The following GPR161 variants were observed in gnomAD, a reference collection of about 807,000 sequenced individuals.
GPR161 encodes G-protein coupled receptor RE2.
Under a neutral mutation model 39.2 loss-of-function variants are expected in GPR161, and 25 were observed. The ratio of observed to expected loss-of-function variants is 0.64; its 90% CI spans 0.47 to 0.89. The LOEUF (loss-of-function observed/expected upper bound fraction) is 0.89, where lower values mean the gene tolerates loss of function less well. Ranked by LOEUF, GPR161 falls within the 40% of genes least tolerant of loss-of-function variation. The pLI is 0.00. For synonymous variants in GPR161, 286 were observed against 276.6 expected, an observed-to-expected ratio of 1.03 and a Z score of -0.34; for missense variants, 547 against 677.8, an observed-to-expected ratio of 0.81 and a Z score of 2.14.
chr1:168,136,172 G>A, intron 1 of GPR161: 11 of 1,268,204 alleles, frequency 8.7e-6, no homozygotes, highest in Non-Finnish European at 1.1e-5. Flanking sequence ...CGGCGGCGCC[G>A]GGCCACTTCT....
intron 2 of GPR161, among the ~76,000 whole-genome samples, chr1:168,100,210 CAAAAAAAAAAAA>C (rs35900694): frequency 0.016 from 865 of 54,870 alleles, 26 homozygotes; most frequent in African/African-American, 0.051. Context: ...GACCCTGTCT[CAAAAAAAAAAAA>C]AAAAAAAAAA....
At chr1:168,112,920 T>C (rs1340935855) in intron 1 of GPR161, among the ~76,000 whole-genome samples, 2 of 152,150 alleles carry the variant, frequency 1.3e-5, no homozygotes, top group South Asian at 2.1e-4. Flanking sequence ...TTTAAGGCCT[T>C]CTGGTCCAAT....
Position 168,136,160 on chromosome 1 carries a change from T to C in GPR161, c.-45+579A>G, listed in dbSNP as rs1035649296. ...CAGATCTGAGGGGCAGAGCCGCCCA[T>C]CCGGCGGCGCCGGGCCACTTCTGGG... On this transcript the variant is annotated intron_variant, in intron 1 of 5. Coordinates refer to ENST00000682931, the MANE Select transcript of GPR161 (RefSeq NM_001375883.1). 3.3e-5 allele frequency: 42 copies of C among 1,268,824 alleles called. No homozygotes were observed. In the African/African-American group the frequency reaches 5.4e-4, roughly 16 times the overall value. 78.6% of individuals were successfully genotyped at this position (1,268,824 alleles called of 1,614,324 possible).
chr1:168,082,117 G>A lies in GPR161; in HGVS notation c.*3414C>T, dbSNP rs117497527. On this transcript the variant is annotated 3_prime_UTR_variant, in exon 6 of 6. Coordinates refer to ENST00000682931, the MANE Select transcript of GPR161 (RefSeq NM_001375883.1). ...TCTATTGCAAATATTTAGTCTCATT[G>A]GTTGTTCACTTGTTTACAGAAAGAC... 8.5e-5 allele frequency: 13 copies of A among 152,262 alleles called. No individual in the cohort carries two copies. In the East Asian group the frequency reaches 2.5e-3, roughly 29 times the overall value. The allele number at this position is 152,262 out of a possible 1,614,324, so 9.4% of individuals were successfully genotyped here.
At chr1:168,136,027 C>T (rs1269023306) in intron 1 of GPR161, 7 of 1,233,978 alleles carry the variant, frequency 5.7e-6, no homozygotes, top group Non-Finnish European at 6.1e-6. Flanking sequence ...ACGTTCTCAT[C>T]CCATATGCCT....
At chr1:168,087,523 T>A in intron 5 of GPR161, 62 bp downstream of exon 5, 1 of 1,594,136 alleles carries the variant, frequency 6.3e-7, no homozygotes, top group Non-Finnish European at 8.6e-7. Context: ...AGCCAAGGAA[T>A]TGTCCTAAGA....
chr1:168,119,834 A>G (rs1698013021), intron 1 of GPR161, among the ~76,000 whole-genome samples: 1 of 151,914 alleles, frequency 6.6e-6, no homozygotes, highest in South Asian at 2.1e-4. Context: ...GGCAGCTTCC[A>G]CGTAGTGTTG....
At chr1:168,089,350 A>T (rs1383374759) in intron 4 of GPR161, 12 of 151,856 alleles carry the variant, frequency 7.9e-5, no homozygotes, top group Admixed American at 7.2e-4. Flanking sequence ...TTCATATATG[A>T]CTCCGTGTGG....
At chr1:168,135,144 G>GGAGCTACA in intron 1 of GPR161, 1 of 1,330,324 alleles carries the variant, frequency 7.5e-7, no homozygotes, top group South Asian at 1.6e-5. Context: ...TTATGGCAGT[G>GGAGCTACA]GAGCTACAGG....
At chr1:168,110,223 G>A (rs2102192733) in intron 1 of GPR161, among the ~76,000 whole-genome samples, 1 of 152,164 alleles carries the variant, frequency 6.6e-6, no homozygotes, top group South Asian at 2.1e-4. Flanking sequence ...AAATATGGTG[G>A]CCAGGCACAG....
chr1:168,097,216 AC>A lies in GPR161; in HGVS notation c.390del (p.Tyr131ThrfsTer7), dbSNP rs773718589. On this transcript the variant is annotated frameshift_variant, in exon 3 of 6. Coordinates refer to ENST00000682931, the MANE Select transcript of GPR161 (RefSeq NM_001375883.1). LOFTEE classifies it high-confidence loss of function. ...VIAIDRYYAV[L>X]YPMVYPMKIT... ...ATCTTCATGGGGTACACCATGGGGT[AC>A]AGGACAGCATAGTAGCTAGAAAAGG... is the stretch of plus-strand genomic sequence containing the variant. 1 of 1,613,296 alleles carries A rather than the reference AC, an allele frequency of 6.2e-7. No homozygotes were observed. Among genetic ancestry groups the A allele is most frequent in the South Asian group, 1.1e-5 (1 of 90,998 alleles).
In GPR161 at chr1:168,087,680, T is replaced by A; in HGVS notation, c.1229A>T (p.Asp410Val). 1 of 1,613,576 alleles carries A rather than the reference T, an allele frequency of 6.2e-7. No homozygotes were observed. Among genetic ancestry groups the A allele is most frequent in the Non-Finnish European group, 8.5e-7 (1 of 1,179,738 alleles). ...GGGAGGGTTGTCATCAGACGTGTAG[T>A]CCTCAAGCAGCATCATATCTGTCCC... ...DSGTDMMLLEDYTSDDNPPSH... is the reference protein window; with the variant it reads ...DSGTDMMLLEVYTSDDNPPSH... The change falls in exon 5 of 6, where the codon GAC becomes GTC. Residue 410 changes from aspartate to valine, a missense_variant. Coordinates refer to ENST00000682931, the MANE Select transcript of GPR161 (RefSeq NM_001375883.1).
At chr1:168,137,609 G>C, upstream of GPR161, 1 of 599,686 alleles carries the variant, frequency 1.7e-6, no homozygotes, top group Non-Finnish European at 3.0e-6. Context: ...TCAGCTCGGG[G>C]GACGGAACAG....
chr1:168,130,579 G>A (rs530699205), intron 1 of GPR161, among the ~76,000 whole-genome samples: 10 of 152,214 alleles, frequency 6.6e-5, no homozygotes, highest in Middle Eastern at 3.4e-3. Context: ...TGCTTAAGTG[G>A]ATTTGAATGG....
Position 168,085,432 on chromosome 1 carries a change from T to C in GPR161, c.*99A>G. 1 of 1,133,390 alleles carries C rather than the reference T, an allele frequency of 8.8e-7. No individual in the cohort carries two copies. Among genetic ancestry groups the C allele is most frequent in the East Asian group, 2.4e-5 (1 of 42,404 alleles). 70.2% of individuals were successfully genotyped at this position (1,133,390 alleles called of 1,614,324 possible). A position where few individuals can be genotyped will look rare whatever the true frequency, so the allele number is the denominator to read the frequency against. On this transcript the variant is annotated 3_prime_UTR_variant, in exon 6 of 6. Transcript: ENST00000682931. ...CTCCTTCCCTGTGTGTGGCCAGCTG[T>C]ACACAGTGACATGCTCCCAAGGCCG... is the stretch of plus-strand genomic sequence containing the variant.
At chr1:168,093,824 A>G (rs1436400125) in intron 3 of GPR161, among the ~76,000 whole-genome samples, 1 of 152,246 alleles carries the variant, frequency 6.6e-6, no homozygotes, top group Non-Finnish European at 1.5e-5. Flanking sequence ...TGGACAGCGC[A>G]GGGTGAGCGG....
rs879589931 is a variant in GPR161 at position 168,123,533 on chromosome 1, T to TACACAC, written c.-45+13205_-45+13206insGTGTGT. 6.5e-3 allele frequency among the ~76,000 whole-genome samples: 632 copies of TACACAC among 97,608 alleles called. 1 individual carries two copies. Among genetic ancestry groups the TACACAC allele is most frequent in the Non-Finnish European group, 8.2e-3 (414 of 50,210 alleles). 64.0% of individuals were successfully genotyped at this position (97,608 alleles called of 152,430 possible). A position where few individuals can be genotyped will look rare whatever the true frequency, so the allele number is the denominator to read the frequency against. On this transcript the variant is annotated intron_variant, in intron 1 of 5. Coordinates refer to ENST00000682931, the MANE Select transcript of GPR161 (RefSeq NM_001375883.1). ...ATAGATATAGATATAGATATGCACA[T>TACACAC]ACATACACACACACACACACACACA...
chr1:168,108,486 T>TAAAAAAAAAAAAAA (rs10670498), intron 1 of GPR161, among the ~76,000 whole-genome samples: 270 of 17,470 alleles, frequency 0.015, 46 homozygotes, highest in East Asian at 0.032. Context: ...GCCCTAGTTG[T>TAAAAAAAAAAAAAA]AAAAAAAAAA....
At position 168,087,674 on chromosome 1, in the gene GPR161, G is replaced by C; in HGVS notation, c.1235C>G (p.Thr412Arg). The C allele has an allele frequency of 6.2e-7, 1 of 1,613,814 alleles. No individual in the cohort carries two copies. Residue 412 changes from threonine (T) to arginine (R), a missense_variant, in exon 5 of 6, where the codon ACG becomes AGG. Transcript: ENST00000682931. The part of the protein sequence containing the change: ...GTDMMLLEDY[T>R]SDDNPPSHCT... ...GTGAGAGGGAGGGTTGTCATCAGAC[G>C]TGTAGTCCTCAAGCAGCATCATATC... is the stretch of plus-strand genomic sequence containing the variant.
Sources: allele counts gnomAD v4.1 joint callset (sites outside exome capture counted in the v4.1 genomes callset), GRCh38; gene constraint gnomAD v4.1.1; transcripts MANE v1.5; gene names NCBI Gene and HGNC (gene_info 2026-07-23, HGNC 2026-07-21).